The following RBFOX1 variants were observed in gnomAD, a reference collection of about 807,000 sequenced individuals.
RBFOX1 encodes the protein RNA binding fox-1 homolog 1.
RBFOX1 carries 8 observed loss-of-function variants against 57.7 expected under a neutral mutation model. The ratio of observed to expected loss-of-function variants is 0.14; its 90% confidence interval spans 0.08 to 0.25. The LOEUF (loss-of-function observed/expected upper bound fraction) is 0.25, where lower values mean the gene tolerates loss of function less well. Among genes scored for constraint, RBFOX1 ranks in the 10% least tolerant of loss-of-function variants. RBFOX1 has a pLI of 1.00. For synonymous variants in RBFOX1, 326 were observed against 222.4 expected, an observed-to-expected ratio of 1.47 and a Z score of -4.15; for missense variants, 611 against 548.5, an observed-to-expected ratio of 1.11 and a Z score of -1.14.
intron 3 of RBFOX1, among the ~76,000 whole-genome samples, chr16:5,747,851 G>A (rs1214208847): frequency 6.6e-6 from 1 of 152,084 alleles, no homozygotes; most frequent in African/African-American, 2.4e-5. Context: ...ATTTTTTGAA[G>A]GGTTTTTTGT....
intron 3 of RBFOX1, among the ~76,000 whole-genome samples, chr16:5,687,587 G>C (rs77878379): frequency 0.015 from 2,331 of 152,244 alleles, 58 homozygotes; most frequent in African/African-American, 0.053. Context: ...CTAAGTCTTT[G>C]GCCTCTCTGA....
At chr16:5,274,072 G>A (rs890388703) in intron 1 of RBFOX1, among the ~76,000 whole-genome samples, 5 of 152,150 alleles carry the variant, frequency 3.3e-5, no homozygotes, top group African/African-American at 7.2e-5. Flanking sequence ...GCAGGTTTTC[G>A]CTCTTAAACC....
chr16:7,278,158 G>T (rs721072), intron 4 of RBFOX1, among the ~76,000 whole-genome samples: 2 of 152,064 alleles, frequency 1.3e-5, no homozygotes, highest in African/African-American at 2.4e-5. Flanking sequence ...TTCTGTGCAC[G>T]TGGTTTTAAG....
At chr16:7,444,060 A>C (rs1277423789) in intron 4 of RBFOX1, among the ~76,000 whole-genome samples, 3 of 152,240 alleles carry the variant, frequency 2.0e-5, no homozygotes, top group Non-Finnish European at 4.4e-5. Flanking sequence ...GCTAATATAC[A>C]TGGAAGTTAA....
intron 1 of RBFOX1, among the ~76,000 whole-genome samples, chr16:6,282,435 A>G (rs1309657956): frequency 6.7e-6 from 1 of 150,076 alleles, no homozygotes; most frequent in Non-Finnish European, 1.5e-5. Context: ...TTTGTTACAC[A>G]GATAAACATG....
At chr16:6,542,481 G>GTTTTTTTTTTTTTTT in intron 2 of RBFOX1, among the ~76,000 whole-genome samples, 1 of 37,156 alleles carries the variant, frequency 2.7e-5, no homozygotes, top group Non-Finnish European at 5.4e-5. Flanking sequence ...TGGGACCATA[G>GTTTTTTTTTTTTTTT]TCTTTTTTTT....
At chr16:5,799,615 T>A (rs971758606) in intron 3 of RBFOX1, among the ~76,000 whole-genome samples, 1 of 152,210 alleles carries the variant, frequency 6.6e-6, no homozygotes, top group African/African-American at 2.4e-5. Context: ...ATAGGCTTTG[T>A]GTTAGGTGAT....
At chr16:5,567,328 G>A (rs1158004168) in intron 2 of RBFOX1, among the ~76,000 whole-genome samples, 2 of 152,158 alleles carry the variant, frequency 1.3e-5, no homozygotes, top group Non-Finnish European at 1.5e-5. Context: ...AGGTTAAGTG[G>A]TGAATATTAG....
intron 3 of RBFOX1, among the ~76,000 whole-genome samples, chr16:5,840,377 C>G (rs9889110): frequency 0.44 from 66,254 of 151,928 alleles, 14,721 homozygotes; most frequent in East Asian, 0.58. Context: ...CCCCCTGTCC[C>G]CAGCGTCTGA....
intron 3 of RBFOX1, among the ~76,000 whole-genome samples, chr16:6,865,233 C>G (rs1469297200): frequency 1.3e-5 from 2 of 151,980 alleles, no homozygotes; most frequent in Non-Finnish European, 2.9e-5. Flanking sequence ...GAACTCCTGA[C>G]CTCAGGTGAT....
chr16:5,442,492 G>C (rs2068114538), intron 1 of RBFOX1, among the ~76,000 whole-genome samples: 2 of 152,236 alleles, frequency 1.3e-5, no homozygotes, highest in South Asian at 4.1e-4. Flanking sequence ...GACTGAGCAA[G>C]TTGTGTACAT....
chr16:6,308,681 G>C lies in RBFOX1; in HGVS notation c.-126-8314G>C, dbSNP rs17139800. Among the ~76,000 whole-genome samples the C allele has an allele frequency of 2.6e-3, 389 of 152,250 alleles. 7 individuals are homozygous for C. The highest frequency in any genetic ancestry group is 8.6e-3 in the African/African-American group (356 of 41,546). On this transcript the variant is annotated intron_variant, in intron 1 of 15. Transcript: ENST00000550418. ...GGGGAAATGCATTGGTGTCACGTTT[G>C]GTATGCATTGGATGCAGAAATTGCA...
chr16:5,440,197 C>T (rs966557720), intron 1 of RBFOX1, among the ~76,000 whole-genome samples: 9 of 152,196 alleles, frequency 5.9e-5, no homozygotes, highest in Admixed American at 4.6e-4. Context: ...TTCACACCGC[C>T]ATAACATTTG....
chr16:7,200,226 G>A (rs921137723), intron 4 of RBFOX1, among the ~76,000 whole-genome samples: 6 of 152,178 alleles, frequency 3.9e-5, no homozygotes, highest in African/African-American at 1.4e-4. Context: ...GACTGTCCTT[G>A]TAGATGGTAA....
intron 1 of RBFOX1, among the ~76,000 whole-genome samples, chr16:6,205,743 G>T (rs1039891635): frequency 1.6e-4 from 24 of 151,486 alleles, no homozygotes; most frequent in Admixed American, 6.6e-5. Flanking sequence ...TGGTGTGTTT[G>T]GTTATTCTAT....
intron 1 of RBFOX1, among the ~76,000 whole-genome samples, chr16:6,304,876 C>CA (rs58680911): frequency 0.047 from 3,705 of 79,512 alleles, 132 homozygotes; most frequent in Non-Finnish European, 0.063. Flanking sequence ...GACCCTGTCT[C>CA]AAAAAAAAAA....
At chr16:7,419,099 G>T (rs2098513852) in intron 4 of RBFOX1, among the ~76,000 whole-genome samples, 1 of 151,986 alleles carries the variant, frequency 6.6e-6, no homozygotes, top group Non-Finnish European at 1.5e-5. Flanking sequence ...CTAGAGACAG[G>T]GTTTCGCCAT....
chr16:6,244,544 C>G (rs1048311824), intron 1 of RBFOX1, among the ~76,000 whole-genome samples: 4 of 152,162 alleles, frequency 2.6e-5, no homozygotes, highest in African/African-American at 9.7e-5. Context: ...CCCTCTGTAG[C>G]CCAGGCTGGA....
chr16:6,451,345 A>G (rs1180087643), intron 2 of RBFOX1, among the ~76,000 whole-genome samples: 2 of 152,094 alleles, frequency 1.3e-5, no homozygotes, highest in African/African-American at 2.4e-5. Flanking sequence ...AGTACTTGCT[A>G]TGTTCTGCTT....
Sources: allele counts gnomAD v4.1 joint callset (sites outside exome capture counted in the v4.1 genomes callset), GRCh38; gene constraint gnomAD v4.1.1; transcripts MANE v1.5; gene names NCBI Gene and HGNC (gene_info 2026-07-23, HGNC 2026-07-21).